MACROD2: variants seen among roughly 807,000 people sequenced by gnomAD.
The protein encoded by MACROD2 is mono-ADP ribosylhydrolase 2, also known as ADP-ribose glycohydrolase MACROD2.
Under a neutral mutation model 70.4 loss-of-function variants are expected in MACROD2, and 36 were observed. The observed-to-expected ratio is 0.51, with a 90% CI of 0.39 to 0.68. The LOEUF is 0.68. Among genes scored for constraint, MACROD2 ranks in the 30% least tolerant of loss-of-function variants. The pLI is 0.00. For missense variants in MACROD2, 496 were observed against 538.4 expected (o/e 0.92, Z 0.78); for synonymous variants, 172 against 178.8 (o/e 0.96, Z 0.30).
intron 3 of MACROD2, among the ~76,000 whole-genome samples, chr20:14,274,222 T>C (rs568750382): frequency 6.6e-6 from 1 of 152,170 alleles, no homozygotes; most frequent in Non-Finnish European, 1.5e-5. Flanking sequence ...ATATCCTTGA[T>C]GAACATTGAT....
intron 12 of MACROD2, among the ~76,000 whole-genome samples, chr20:15,952,301 G>C (rs1295267744): frequency 6.6e-6 from 1 of 152,046 alleles, no homozygotes; most frequent in Non-Finnish European, 1.5e-5. Flanking sequence ...TCTTCCTCAG[G>C]GTGGATGGTT....
At chr20:14,744,138 A>G (rs2071768881) in intron 5 of MACROD2, among the ~76,000 whole-genome samples, 1 of 152,196 alleles carries the variant, frequency 6.6e-6, no homozygotes, top group Non-Finnish European at 1.5e-5. Context: ...TTAAGTGATT[A>G]CACTTGTTGA....
chr20:14,170,106 C>A (rs1397976430), intron 3 of MACROD2, among the ~76,000 whole-genome samples: 2 of 152,154 alleles, frequency 1.3e-5, no homozygotes, highest in Non-Finnish European at 2.9e-5. Flanking sequence ...TTTGGCCAGA[C>A]TGGTCTCGAA....
intron 5 of MACROD2, among the ~76,000 whole-genome samples, chr20:15,116,191 A>C (rs2123234490): frequency 6.6e-6 from 1 of 152,244 alleles, no homozygotes; most frequent in Middle Eastern, 3.4e-3. Flanking sequence ...CTTGAATAAC[A>C]CCTGTTCACA....
intron 5 of MACROD2, among the ~76,000 whole-genome samples, chr20:14,867,347 T>C (rs2073439239): frequency 6.6e-6 from 1 of 152,146 alleles, no homozygotes; most frequent in African/African-American, 2.4e-5. Flanking sequence ...AAATTGATGC[T>C]TTTGTTTCTG....
chr20:14,600,343 T>TATATATATATATAC (rs1320891260), intron 4 of MACROD2, among the ~76,000 whole-genome samples: 1 of 130,200 alleles, frequency 7.7e-6, no homozygotes, highest in African/African-American at 3.1e-5. Flanking sequence ...TATATATATA[T>TATATATATATATAC]ACACACACAC....
At chr20:14,728,491 G>A (rs1219445559) in intron 5 of MACROD2, among the ~76,000 whole-genome samples, 1 of 152,118 alleles carries the variant, frequency 6.6e-6, no homozygotes, top group Non-Finnish European at 1.5e-5. Context: ...TTTAAAGTCT[G>A]TTTTGTCTTC....
intron 7 of MACROD2, among the ~76,000 whole-genome samples, chr20:15,463,015 A>G (rs1048970913): frequency 6.6e-6 from 1 of 152,248 alleles, no homozygotes; most frequent in African/African-American, 2.4e-5. Flanking sequence ...CAACTAATGT[A>G]TACATTTGTA....
intron 5 of MACROD2, among the ~76,000 whole-genome samples, chr20:14,941,586 C>T (rs1356020480): frequency 6.6e-6 from 1 of 152,072 alleles, no homozygotes; most frequent in Non-Finnish European, 1.5e-5. Flanking sequence ...AGTTTTTTCA[C>T]TTCTCTGTAG....
At chr20:15,796,583 C>T (rs1474430218) in intron 8 of MACROD2, among the ~76,000 whole-genome samples, 1 of 152,196 alleles carries the variant, frequency 6.6e-6, no homozygotes, top group African/African-American at 2.4e-5. Flanking sequence ...AAACAGTCAC[C>T]TCTCTTAATG....
At chr20:14,008,746 G>A (rs2052856843) in intron 2 of MACROD2, among the ~76,000 whole-genome samples, 1 of 152,262 alleles carries the variant, frequency 6.6e-6, no homozygotes, top group African/African-American at 2.4e-5. Flanking sequence ...AACCAAAATG[G>A]CATGGGACTG....
intron 5 of MACROD2, among the ~76,000 whole-genome samples, chr20:14,921,920 C>A (rs1207128763): frequency 6.6e-6 from 1 of 152,130 alleles, no homozygotes; most frequent in African/African-American, 2.4e-5. Context: ...TCTGATATTG[C>A]AAATGTATCA....
intron 5 of MACROD2, among the ~76,000 whole-genome samples, chr20:14,981,432 G>GTATATGTA (rs1555859709): frequency 7.1e-6 from 1 of 141,458 alleles, no homozygotes; most frequent in African/African-American, 2.6e-5. Flanking sequence ...ATATGTATAT[G>GTATATGTA]TATATATATA....
chr20:14,232,599 C>T (rs2081827209), intron 3 of MACROD2, among the ~76,000 whole-genome samples: 1 of 152,242 alleles, frequency 6.6e-6, no homozygotes. Context: ...TCTGCAGCTT[C>T]CTCACCTCTG....
intron 15 of MACROD2, among the ~76,000 whole-genome samples, chr20:16,003,457 G>A (rs554790020): frequency 1.3e-5 from 2 of 152,214 alleles, no homozygotes; most frequent in East Asian, 3.9e-4. Context: ...GCAGAGTTTG[G>A]AGGCTCATGG....
intron 4 of MACROD2, among the ~76,000 whole-genome samples, chr20:14,599,176 T>A (rs1411008671): frequency 2.6e-5 from 4 of 152,104 alleles, no homozygotes; most frequent in African/African-American, 9.7e-5. Flanking sequence ...AAAATATTTT[T>A]AAAAAACTGT....
intron 7 of MACROD2, among the ~76,000 whole-genome samples, chr20:15,467,655 G>C (rs991151127): frequency 1.3e-5 from 2 of 152,166 alleles, no homozygotes; most frequent in Non-Finnish European, 2.9e-5. Flanking sequence ...GGAAGGTGCA[G>C]CCATGTGGTT....
rs867803410 is a variant in MACROD2 at position 14,398,539 on chromosome 20, A to G, written c.272-94940A>G. Among the ~76,000 whole-genome samples the G allele has an allele frequency of 1.1e-4, 17 of 152,038 alleles. No individual in the cohort carries two copies. In the Middle Eastern group the frequency reaches 0.017, roughly 152 times the overall value. On this transcript the variant is annotated intron_variant, in intron 3 of 17. Coordinates refer to ENST00000684519, the MANE Select transcript of MACROD2 (RefSeq NM_001351661.2). ...TCACTAAAACAAATTTGATGTTTAA[A>G]CTTGTTGGGCATTTGTATGTCTTCT...
chr20:15,409,181 C>A (rs2046044041), intron 6 of MACROD2, among the ~76,000 whole-genome samples: 1 of 152,106 alleles, frequency 6.6e-6, no homozygotes, highest in Non-Finnish European at 1.5e-5. Flanking sequence ...CTACTTGAGA[C>A]CAAATGATGG....
Sources: allele counts gnomAD v4.1 joint callset (sites outside exome capture counted in the v4.1 genomes callset), GRCh38; gene constraint gnomAD v4.1.1; transcripts MANE v1.5; gene names NCBI Gene and HGNC (gene_info 2026-07-23, HGNC 2026-07-21).